The following TMEM114 variants were observed in gnomAD, a reference collection of about 807,000 sequenced individuals.
TMEM114 encodes the protein claudin-26.
TMEM114 carries 6 observed loss-of-function variants against 6.2 expected under a neutral mutation model. The ratio of observed to expected loss-of-function variants is 0.97; its 90% CI spans 0.53 to 1.91. The LOEUF (loss-of-function observed/expected upper bound fraction) is 1.91, where lower values mean the gene tolerates loss of function less well. TMEM114 is among the 40% of genes most tolerant of loss of function. The pLI is 0.01. For missense variants in TMEM114, 218 were observed against 158.3 expected (o/e 1.38, Z -2.02); for synonymous variants, 104 against 73.0 (o/e 1.42, Z -2.16).
At chr16:8,549,501 G>GAA (rs57591057) in intron 2 of TMEM114, among the ~76,000 whole-genome samples, 132 of 106,858 alleles carry the variant, frequency 1.2e-3, no homozygotes, top group Admixed American at 2.3e-3. Context: ...ACTCCGTCTC[G>GAA]AAAAAAAAAA....
downstream of TMEM114, among the ~76,000 whole-genome samples, chr16:8,536,787 C>A (rs994104897): frequency 1.3e-5 from 2 of 152,132 alleles, no homozygotes; most frequent in Non-Finnish European, 2.9e-5. Context: ...CACCACTGTT[C>A]ATGGTCTAAT....
In TMEM114 at chr16:8,562,694, GAGTGAGTGAGTA is replaced by G. The variant is rs1567202453; in HGVS notation, n.213-24880_213-24869del. Among the ~76,000 whole-genome samples, 1,288 of 151,772 alleles carry G rather than the reference GAGTGAGTGAGTA, an allele frequency of 8.5e-3. 46 individuals are homozygous for G. The highest frequency in any genetic ancestry group is 0.03 in the African/African-American group (1,241 of 41,058). On this transcript the variant is annotated intron_variant and non_coding_transcript_variant, in intron 2 of 2. Coordinates refer to the TMEM114 transcript ENST00000623677. Reference sequence around the variant, plus strand: ...TGAGGGAATGAGTGAGTGAGGGAATGAGTGAGTGAGTAAATGAGTGAGTGAGGGAGGGAGGGA... The same window carrying G: ...TGAGGGAATGAGTGAGTGAGGGAATGAATGAGTGAGTGAGGGAGGGAGGGA...
chr16:8,564,821 G>C (rs566306177), downstream of TMEM114, among the ~76,000 whole-genome samples: 1,443 of 149,766 alleles, frequency 9.6e-3, 47 homozygotes, highest in African/African-American at 0.034. Flanking sequence ...GAATGAGTGA[G>C]TGAGTGATGG....
chr16:8,587,509 G>A (rs879131104), intron 2 of TMEM114, among the ~76,000 whole-genome samples: 57,777 of 152,122 alleles, frequency 0.38, 11,183 homozygotes, highest in Middle Eastern at 0.41. Flanking sequence ...GATTCCAGGT[G>A]GAGGGAACAG....
intron 2 of TMEM114, among the ~76,000 whole-genome samples, chr16:8,576,998 C>T (rs969435525): frequency 4.6e-5 from 7 of 152,188 alleles, no homozygotes; most frequent in African/African-American, 1.7e-4. Context: ...TGATCATAGA[C>T]CTTCCATTTG....
chr16:8,587,606 G>T (rs1282297027), intron 2 of TMEM114, among the ~76,000 whole-genome samples: 1 of 152,232 alleles, frequency 6.6e-6, no homozygotes, highest in African/African-American at 2.4e-5. Flanking sequence ...AAGGAGTAAA[G>T]CGGAGAATGG....
At chr16:8,575,499 G>T (rs907654271) in intron 2 of TMEM114, among the ~76,000 whole-genome samples, 19 of 152,176 alleles carry the variant, frequency 1.2e-4, no homozygotes, top group African/African-American at 4.3e-4. Context: ...GACCAGGCAG[G>T]ATAAACCAGG....
At chr16:8,548,947 C>A (rs527797119) in intron 2 of TMEM114, among the ~76,000 whole-genome samples, 22 of 152,092 alleles carry the variant, frequency 1.4e-4, no homozygotes, top group African/African-American at 5.1e-4. Context: ...CTTTGGGAGG[C>A]CAAGGCAGGT....
At chr16:8,566,927 G>A (rs1901566868), downstream of TMEM114, among the ~76,000 whole-genome samples, 1 of 128,526 alleles carries the variant, frequency 7.8e-6, no homozygotes, top group South Asian at 2.6e-4. Flanking sequence ...TTGAGATGGA[G>A]TCTCACTCTG....
chr16:8,567,066 A>ATTTTTT (rs34500863), downstream of TMEM114, among the ~76,000 whole-genome samples: 37 of 144,370 alleles, frequency 2.6e-4, 1 homozygote, highest in Middle Eastern at 3.3e-3. Flanking sequence ...ACAGCTGGCT[A>ATTTTTT]TTTTTTTTTT....
chr16:8,532,539 T>A, the TMEM114 span, among the ~76,000 whole-genome samples: 2 of 152,134 alleles, frequency 1.3e-5, no homozygotes, highest in Non-Finnish European at 2.9e-5. Context: ...TAAAATTACA[T>A]TCTAGGGGTC....
At chr16:8,561,372 A>C (rs1016393779) in intron 2 of TMEM114, among the ~76,000 whole-genome samples, 1 of 152,196 alleles carries the variant, frequency 6.6e-6, no homozygotes, top group Non-Finnish European at 1.5e-5. Flanking sequence ...CCTTCTCCCC[A>C]TCTGCTTTAC....
Position 8,572,179 on chromosome 16 carries a change from A to T in TMEM114, c.347T>A (p.Leu116Gln). The change falls in exon 3 of 4, where the codon CTG becomes CAG. Residue 116 changes from leucine (L) to glutamine (Q), a missense_variant. Leu to Gln is a moderately radical substitution (Grantham distance 113, BLOSUM62 -2). Coordinates refer to ENST00000620492, the MANE Select transcript of TMEM114 (RefSeq NM_001146336.2). Reference protein sequence around the residue: ...FVILLPLSLILMVFGGMTGFL... With the variant: ...FVILLPLSLIQMVFGGMTGFL... Reference sequence around the variant, plus strand: ...CCCCGTCATCCCCCCAAAAACCATCAGGATCAGGCTGAGCGGCAGCAGAAT... The same window carrying T: ...CCCCGTCATCCCCCCAAAAACCATCTGGATCAGGCTGAGCGGCAGCAGAAT... 6.4e-7 allele frequency: 1 copy of T among 1,551,648 alleles called. No individual in the cohort carries two copies. Among genetic ancestry groups the T allele is most frequent in the Non-Finnish European group, 8.7e-7 (1 of 1,146,964 alleles).
At chr16:8,563,461 A>ATGAG (rs1191840624) in intron 2 of TMEM114, among the ~76,000 whole-genome samples, 2 of 148,768 alleles carry the variant, frequency 1.3e-5, no homozygotes, top group Admixed American at 6.6e-5. Context: ...GAGTGAGTGA[A>ATGAG]TGAGTAAGTG....
At chr16:8,588,861 A>G (rs1381661008) in intron 2 of TMEM114, among the ~76,000 whole-genome samples, 1 of 152,044 alleles carries the variant, frequency 6.6e-6, no homozygotes, top group African/African-American at 2.4e-5. Flanking sequence ...GGGGCTTCCC[A>G]CCTTCCCTTC....
At chr16:8,577,125 A>G (rs866013996) in intron 2 of TMEM114, among the ~76,000 whole-genome samples, 67 of 152,258 alleles carry the variant, frequency 4.4e-4, no homozygotes, top group African/African-American at 1.5e-3. Context: ...TCTCATTTGA[A>G]AAATGGAACT....
chr16:8,572,142 G>T lies in TMEM114; in HGVS notation c.384C>A (p.Phe128Leu). Residue 128 changes from phenylalanine (F) to leucine (L), a missense_variant, in exon 3 of 4, where the codon TTC becomes TTA. By Grantham distance (22) the Phe-to-Leu change is conservative (BLOSUM62 0). Coordinates refer to ENST00000620492, the MANE Select transcript of TMEM114 (RefSeq NM_001146336.2). ...GGAGGAGGAGGTAGGCTTGGAGGAG[G>T]AAGCTCAGAAACCCCGTCATCCCCC... ...VFGGMTGFLS[F>L]LLQAYLLLLL... is the part of the protein sequence containing the mutation. 6.4e-7 allele frequency: 1 copy of T among 1,551,602 alleles called. No homozygotes were observed. The highest frequency in any genetic ancestry group is 8.7e-7 in the Non-Finnish European group (1 of 1,146,978).
chr16:8,576,810 G>C (rs1470801831), intron 2 of TMEM114, among the ~76,000 whole-genome samples: 1 of 152,096 alleles, frequency 6.6e-6, no homozygotes, highest in Non-Finnish European at 1.5e-5. Context: ...CTTTATTTTG[G>C]GATGGGTATT....
intron 2 of TMEM114, among the ~76,000 whole-genome samples, chr16:8,558,013 G>A (rs1403235913): frequency 6.6e-6 from 1 of 152,112 alleles, no homozygotes. Context: ...CAGCACTTTG[G>A]GAGGCTAAGG....
Sources: gnomAD v4.1 joint callset for allele counts (sites outside exome capture counted in the v4.1 genomes callset) on GRCh38, gnomAD v4.1.1 for gene constraint, MANE v1.5 for transcripts, NCBI Gene and HGNC (gene_info 2026-07-23, HGNC 2026-07-21) for gene names.